The following RDH13 variants were observed in gnomAD, a reference collection of about 807,000 sequenced individuals.
RDH13 encodes the protein retinol dehydrogenase 13, also known as retinol dehydrogenase 13 (all-trans and 9-cis).
Under a neutral mutation model 28.3 loss-of-function variants are expected in RDH13, and 35 were observed. The ratio of observed to expected loss-of-function variants is 1.24; its 90% confidence interval spans 0.95 to 1.64. The LOEUF (loss-of-function observed/expected upper bound fraction) is 1.64. RDH13 is among the 40% of genes most tolerant of loss of function. The pLI, the probability that RDH13 is intolerant of heterozygous loss-of-function variation, is 0.00. For synonymous variants in RDH13, 229 were observed against 198.5 expected, an observed-to-expected ratio of 1.15 and a Z score of -1.29; for missense variants, 514 against 446.3, an observed-to-expected ratio of 1.15 and a Z score of -1.37.
chr19:55,059,309 G>T, intron 1 of RDH13, 34 bp from the exon 2 acceptor site: 1 of 1,432,114 alleles, frequency 7.0e-7, no homozygotes, highest in Non-Finnish European at 9.6e-7. Context: ...CAGTCCTGTG[G>T]GCCCACTCTC....
chr19:55,040,588 ATAT>A (rs2075002960), downstream of RDH13: 1 of 152,232 alleles, frequency 6.6e-6, no homozygotes, highest in Non-Finnish European at 1.5e-5. Flanking sequence ...CACCTTTCAA[ATAT>A]TATGTCAGGC....
At chr19:55,042,242 C>T (rs965046644), downstream of RDH13, 8 of 152,134 alleles carry the variant, frequency 5.3e-5, no homozygotes, top group African/African-American at 1.2e-4. Context: ...TAACATCCTC[C>T]GTCCCACGCA....
chr19:55,058,834 C>A (rs752076162), intron 2 of RDH13, among the ~76,000 whole-genome samples: 15 of 152,212 alleles, frequency 9.9e-5, no homozygotes, highest in Non-Finnish European at 2.1e-4. Context: ...GTGCCCACCA[C>A]AACTCCTGGC....
chr19:55,052,210 ACC>A, intron 3 of RDH13, among the ~76,000 whole-genome samples: 1 of 150,548 alleles, frequency 6.6e-6, no homozygotes, highest in Middle Eastern at 3.5e-3. Flanking sequence ...CCTGAGGTCA[ACC>A]AGCCTGACCA....
At chr19:55,055,806 C>G (rs533151272) in intron 3 of RDH13, among the ~76,000 whole-genome samples, 20 of 150,916 alleles carry the variant, frequency 1.3e-4, no homozygotes, top group African/African-American at 5.0e-4. Flanking sequence ...TGAGCCATGA[C>G]TGCACCACTG....
At chr19:55,040,779 T>G (rs1473483567), downstream of RDH13, 3 of 152,244 alleles carry the variant, frequency 2.0e-5, no homozygotes, top group Non-Finnish European at 2.9e-5. Flanking sequence ...ATTGAACGAG[T>G]GGTTTCATGC....
chr19:55,044,924 G>A lies in RDH13; in HGVS notation c.*150C>T, dbSNP rs1025630112. ...GCTCACCTGCAGGCCAGTCCACTGC[G>A]GCCAGCACCGCCCCCTAGAACCTAC... On this transcript the variant is annotated 3_prime_UTR_variant, in exon 7 of 7. Coordinates refer to ENST00000415061, the MANE Select transcript of RDH13 (RefSeq NM_001145971.2). 7.0e-5 allele frequency: 43 copies of A among 616,136 alleles called. No individual in the cohort carries two copies. The highest frequency in any genetic ancestry group is 2.6e-4 in the African/African-American group (14 of 54,076). The allele number at this position is 616,136 out of a possible 1,614,324, so 38.2% of individuals were successfully genotyped here.
At chr19:55,049,618 C>A (rs981620019) in intron 3 of RDH13, among the ~76,000 whole-genome samples, 1 of 151,964 alleles carries the variant, frequency 6.6e-6, no homozygotes, top group Non-Finnish European at 1.5e-5. Flanking sequence ...GGAGAAACCG[C>A]GTCTTTACTA....
intron 1 of RDH13, among the ~76,000 whole-genome samples, chr19:55,059,586 T>TGGGGGGGGCAAGGTTTGGGGGGG (rs2075747942): frequency 1.3e-5 from 1 of 79,242 alleles, no homozygotes; most frequent in Admixed American, 1.4e-4. Flanking sequence ...GTTTTGGGGG[T>TGGGGGGGGCAAGGTTTGGGGGGG]GGGGGGGGGC....
At chr19:55,057,362 G>A (rs1042166236) in intron 2 of RDH13, among the ~76,000 whole-genome samples, 1 of 151,788 alleles carries the variant, frequency 6.6e-6, no homozygotes, top group African/African-American at 2.4e-5. Flanking sequence ...CACTGAATTG[G>A]TCGGGCACGG....
chr19:55,063,285 C>A (rs1004234173), upstream of RDH13: 29 of 389,154 alleles, frequency 7.5e-5, no homozygotes, highest in Non-Finnish European at 1.2e-4. Context: ...TTTCAGGAGC[C>A]TGTGGGCGTG....
chr19:55,058,421 T>C (rs1252515637), intron 2 of RDH13, among the ~76,000 whole-genome samples: 2 of 151,788 alleles, frequency 1.3e-5, no homozygotes, highest in African/African-American at 4.8e-5. Flanking sequence ...TAATTCCTAA[T>C]GTTGTGCAAC....
At chr19:55,043,364 G>C (rs1435279747), downstream of RDH13, 2 of 152,222 alleles carry the variant, frequency 1.3e-5, no homozygotes, top group African/African-American at 4.8e-5. Context: ...TCCAGCCTTG[G>C]CAACACAGTA....
intron 3 of RDH13, among the ~76,000 whole-genome samples, chr19:55,049,750 T>C (rs2075365680): frequency 6.7e-6 from 1 of 149,618 alleles, no homozygotes. Context: ...GATCGCATCA[T>C]TACACTCCAT....
chr19:55,051,254 C>G (rs986696886), intron 3 of RDH13, among the ~76,000 whole-genome samples: 3 of 152,060 alleles, frequency 2.0e-5, no homozygotes, highest in Non-Finnish European at 2.9e-5. Context: ...CAGGAGGTGA[C>G]GCAGAAACTG....
At chr19:55,066,580 C>T (rs1484620092), upstream of RDH13, among the ~76,000 whole-genome samples, 5 of 144,550 alleles carry the variant, frequency 3.5e-5, no homozygotes, top group Non-Finnish European at 7.5e-5. Context: ...CTTCTGTCTT[C>T]CTCTATCCCT....
chr19:55,059,415 G>A (rs868746379), intron 1 of RDH13, 140 bp from the exon 2 acceptor site: 13 of 616,962 alleles, frequency 2.1e-5, no homozygotes, highest in East Asian at 8.3e-5. Context: ...ATCACACCAA[G>A]GGACCTCTGT....
intron 1 of RDH13, 56 bp downstream of exon 1, chr19:55,062,912 G>A: frequency 7.4e-7 from 1 of 1,358,686 alleles, no homozygotes; most frequent in South Asian, 1.6e-5. Context: ...CCGCCTTCCC[G>A]GCCCCTGCGC....
intron 3 of RDH13, among the ~76,000 whole-genome samples, chr19:55,056,232 G>A (rs1480655089): frequency 1.3e-5 from 2 of 152,060 alleles, no homozygotes; most frequent in African/African-American, 4.8e-5. Flanking sequence ...GGGAGGCTGA[G>A]GCAGGAGAAT....
Sources: gnomAD v4.1 joint callset for allele counts (sites outside exome capture counted in the v4.1 genomes callset) on GRCh38, gnomAD v4.1.1 for gene constraint, MANE v1.5 for transcripts, NCBI Gene and HGNC (gene_info 2026-07-23, HGNC 2026-07-21) for gene names.